GABRG3: variants seen among roughly 807,000 people sequenced by gnomAD.
GABRG3 encodes the protein gamma-aminobutyric acid receptor subunit gamma-3.
GABRG3 carries 25 observed loss-of-function variants against 48.8 expected under a neutral mutation model. That is an observed-to-expected ratio of 0.51 (90% CI 0.37 to 0.72). The LOEUF (loss-of-function observed/expected upper bound fraction) is 0.72, where lower values mean the gene tolerates loss of function less well. Ranked by LOEUF, GABRG3 falls within the 30% of genes least tolerant of loss-of-function variation. GABRG3 has a pLI of 0.00. For missense variants in GABRG3, 394 were observed against 577.9 expected, an observed-to-expected ratio of 0.68 and a Z score of 3.26; for synonymous variants, 227 against 217.6, an observed-to-expected ratio of 1.04 and a Z score of -0.38.
chr15:27,230,946 T>C (rs950808668), intron 3 of GABRG3, among the ~76,000 whole-genome samples: 3 of 152,024 alleles, frequency 2.0e-5, no homozygotes, highest in Admixed American at 2.0e-4. Flanking sequence ...TTTGGTCCTT[T>C]GAATAGTGAA....
intron 3 of GABRG3, among the ~76,000 whole-genome samples, chr15:27,320,811 T>G (rs561413267): frequency 6.6e-6 from 1 of 152,336 alleles, no homozygotes; most frequent in Admixed American, 6.5e-5. Flanking sequence ...GACATTTTTC[T>G]CATTAGAAAC....
At chr15:27,315,945 A>T (rs6606899) in intron 3 of GABRG3, among the ~76,000 whole-genome samples, 15,746 of 152,088 alleles carry the variant, frequency 0.1, 2,377 homozygotes, top group African/African-American at 0.33. Flanking sequence ...TCCACATTAT[A>T]ATCATAACCT....
chr15:27,131,402 A>G (rs1378519923), intron 3 of GABRG3, among the ~76,000 whole-genome samples: 7 of 151,894 alleles, frequency 4.6e-5, no homozygotes, highest in Non-Finnish European at 8.8e-5. Flanking sequence ...TTCATGCTCT[A>G]TGGTCCTTTT....
In GABRG3 at chr15:26,996,482, G is replaced by A. The variant is rs369829745; in HGVS notation, c.202+19332G>A. ...ATGTCATAAATTGTTTTTCTCTTGC[G>A]GCTTCCAAGATTTTCTCTCTGTGTT... On this transcript the variant is annotated intron_variant, in intron 2 of 9. Coordinates refer to ENST00000615808, the MANE Select transcript of GABRG3 (RefSeq NM_033223.5). 3.0e-4 allele frequency among the ~76,000 whole-genome samples: 46 copies of A among 151,760 alleles called. 1 individual carries two copies. In the East Asian group the frequency reaches 8.3e-3, roughly 28 times the overall value.
intron 3 of GABRG3, among the ~76,000 whole-genome samples, chr15:27,130,714 T>G (rs1237642753): frequency 6.6e-6 from 1 of 152,104 alleles, no homozygotes; most frequent in Non-Finnish European, 1.5e-5. Flanking sequence ...TTAATTTCTT[T>G]CAGCATACAC....
At chr15:27,336,045 C>T (rs944180926) in intron 5 of GABRG3, among the ~76,000 whole-genome samples, 4 of 151,798 alleles carry the variant, frequency 2.6e-5, no homozygotes, top group Admixed American at 6.6e-5. Flanking sequence ...ACAAATTAGC[C>T]GGGTGTGGTG....
chr15:27,381,575 T>C (rs1311644050), intron 5 of GABRG3, among the ~76,000 whole-genome samples: 1 of 152,232 alleles, frequency 6.6e-6, no homozygotes, highest in Admixed American at 6.5e-5. Context: ...TGCTCCAATA[T>C]GTTGTCATTC....
intron 3 of GABRG3, among the ~76,000 whole-genome samples, chr15:27,304,250 T>C (rs1468043138): frequency 6.6e-6 from 1 of 151,740 alleles, no homozygotes; most frequent in Non-Finnish European, 1.5e-5. Context: ...GTGTACAAAT[T>C]GGAGAGGAAG....
At chr15:27,145,252 T>G (rs1898177515) in intron 3 of GABRG3, among the ~76,000 whole-genome samples, 1 of 151,970 alleles carries the variant, frequency 6.6e-6, no homozygotes, top group Non-Finnish European at 1.5e-5. Flanking sequence ...ATCAGCTACC[T>G]TAAGAACATT....
At chr15:27,078,144 T>G (rs2140741286) in intron 3 of GABRG3, among the ~76,000 whole-genome samples, 1 of 152,244 alleles carries the variant, frequency 6.6e-6, no homozygotes, top group East Asian at 1.9e-4. Flanking sequence ...TGTGAGGGTG[T>G]TTTTATATGA....
intron 6 of GABRG3, among the ~76,000 whole-genome samples, chr15:27,484,914 T>A (rs1890184526): frequency 6.6e-6 from 1 of 152,214 alleles, no homozygotes; most frequent in Non-Finnish European, 1.5e-5. Context: ...AATGATTGAA[T>A]AAATACATAC....
At chr15:27,043,344 G>A (rs1234596530) in intron 3 of GABRG3, among the ~76,000 whole-genome samples, 1 of 152,178 alleles carries the variant, frequency 6.6e-6, no homozygotes. Context: ...GGTTTAGACT[G>A]AGCTCCTGCA....
intron 5 of GABRG3, among the ~76,000 whole-genome samples, chr15:27,373,444 C>A (rs900141229): frequency 6.6e-6 from 1 of 152,122 alleles, no homozygotes; most frequent in South Asian, 2.1e-4. Context: ...GGGAAATAAA[C>A]CACAATCTTC....
chr15:27,156,491 A>G (rs1311214617), intron 3 of GABRG3, among the ~76,000 whole-genome samples: 1 of 152,106 alleles, frequency 6.6e-6, no homozygotes, highest in Non-Finnish European at 1.5e-5. Flanking sequence ...AGAAAGCCCA[A>G]GATACTCGCT....
At chr15:27,241,239 G>A (rs1890119018) in intron 3 of GABRG3, among the ~76,000 whole-genome samples, 1 of 152,178 alleles carries the variant, frequency 6.6e-6, no homozygotes, top group Admixed American at 6.6e-5. Context: ...TTGGTCATGA[G>A]GTGTTTGTGT....
chr15:27,492,658 A>C (rs1490372114), intron 6 of GABRG3, among the ~76,000 whole-genome samples: 1 of 152,236 alleles, frequency 6.6e-6, no homozygotes, highest in African/African-American at 2.4e-5. Context: ...TTTCATAAGC[A>C]GATTTGCTTT....
chr15:27,440,887 C>A (rs1455426031), intron 5 of GABRG3, among the ~76,000 whole-genome samples: 2 of 152,164 alleles, frequency 1.3e-5, no homozygotes, highest in South Asian at 4.1e-4. Flanking sequence ...AAATAGTATA[C>A]CCATGGGGTA....
intron 5 of GABRG3, among the ~76,000 whole-genome samples, chr15:27,430,095 A>G (rs951013294): frequency 3.9e-5 from 6 of 152,204 alleles, no homozygotes; most frequent in Non-Finnish European, 7.3e-5. Context: ...AGGCATTCCA[A>G]TGAGTGTGCA....
intron 5 of GABRG3, among the ~76,000 whole-genome samples, chr15:27,429,228 G>C (rs1456354369): frequency 6.6e-6 from 1 of 152,136 alleles, no homozygotes; most frequent in Non-Finnish European, 1.5e-5. Flanking sequence ...TATTATTATA[G>C]TCTTGAGAAA....
Sources: allele counts gnomAD v4.1 joint callset (sites outside exome capture counted in the v4.1 genomes callset), GRCh38; gene constraint gnomAD v4.1.1; transcripts MANE v1.5; gene names NCBI Gene and HGNC (gene_info 2026-07-23, HGNC 2026-07-21).